Variants in VPS41 observed in about 807,000 individuals in gnomAD.
VPS41 encodes the protein vacuolar protein sorting-associated protein 41 homolog.
Under a neutral mutation model 130.9 loss-of-function variants are expected in VPS41, and 85 were observed. The observed-to-expected ratio is 0.65, with a 90% confidence interval of 0.55 to 0.78. The LOEUF (loss-of-function observed/expected upper bound fraction) is 0.78, where lower values mean the gene tolerates loss of function less well. Among genes scored for constraint, VPS41 ranks in the 30% least tolerant of loss-of-function variants. The pLI, the probability that VPS41 is intolerant of heterozygous loss-of-function variation, is 0.00. For missense variants in VPS41, 874 were observed against 1,018.7 expected, an observed-to-expected ratio of 0.86 and a Z score of 1.93; for synonymous variants, 335 against 332.9, an observed-to-expected ratio of 1.01 and a Z score of -0.07.
At chr7:38,774,041 C>T in intron 12 of VPS41, 74 bp downstream of exon 12, 1 of 1,390,496 alleles carries the variant, frequency 7.2e-7, no homozygotes, top group Non-Finnish European at 9.8e-7. Flanking sequence ...ATTTAAATTC[C>T]ATTTATTGCA....
chr7:38,770,128 G>A (rs1784125822), intron 14 of VPS41, among the ~76,000 whole-genome samples: 1 of 152,114 alleles, frequency 6.6e-6, no homozygotes, highest in Non-Finnish European at 1.5e-5. Flanking sequence ...AATTAGCCAG[G>A]TGTGGTGGCG....
intron 14 of VPS41, among the ~76,000 whole-genome samples, chr7:38,769,417 G>C (rs1285320097): frequency 1.3e-5 from 2 of 152,240 alleles, no homozygotes; most frequent in African/African-American, 4.8e-5. Flanking sequence ...GTTACAGTCA[G>C]TAGTGCTAAT....
intron 4 of VPS41, among the ~76,000 whole-genome samples, chr7:38,848,204 C>T (rs1208606746): frequency 2.0e-5 from 3 of 152,206 alleles, no homozygotes; most frequent in Admixed American, 2.0e-4. Context: ...TTTCTGAAGT[C>T]AACTCACTAG....
intron 11 of VPS41, among the ~76,000 whole-genome samples, 198 bp from the exon 12 acceptor site, chr7:38,774,442 T>G (rs34255211): frequency 6.6e-6 from 1 of 151,678 alleles, no homozygotes; most frequent in African/African-American, 2.4e-5. Flanking sequence ...AAACTTACAA[T>G]CAGAAAACAT....
At chr7:38,771,925 G>A (rs1029721824) in intron 13 of VPS41, among the ~76,000 whole-genome samples, 1 of 151,992 alleles carries the variant, frequency 6.6e-6, no homozygotes, top group African/African-American at 2.4e-5. Context: ...CCTTTCAGAT[G>A]GTGACAAACT....
chr7:38,786,184 C>T (rs1461583343), intron 10 of VPS41, among the ~76,000 whole-genome samples: 3 of 152,166 alleles, frequency 2.0e-5, no homozygotes, highest in East Asian at 1.9e-4. Flanking sequence ...AACAACTTTA[C>T]GGCTAGGCAC....
At chr7:38,836,418 G>A (rs1311488774) in intron 4 of VPS41, among the ~76,000 whole-genome samples, 1 of 152,040 alleles carries the variant, frequency 6.6e-6, no homozygotes, top group Non-Finnish European at 1.5e-5. Context: ...GAATTGGAGA[G>A]AAAAGCTAGT....
At position 38,754,925 on chromosome 7, in the gene VPS41, G is replaced by T. The variant is rs929502987; in HGVS notation, c.1707C>A (p.Asp569Glu). ...LMDFDSEKAV[D>E]MLLDNEDKIS... ...TTTTATCTTCATTGTCCAAAAGCAT[G>T]TCAACAGCTTTCTGAAACATATAAG... Residue 569 changes from aspartate (D) to glutamate (E), a missense_variant, in exon 20 of 29, where the codon GAC becomes GAA. Physicochemically the swap from Asp to Glu is conservative, Grantham distance 45 (BLOSUM62 2). Transcript: ENST00000310301. The T allele has an allele frequency of 6.2e-7, 1 of 1,613,540 alleles. No homozygotes were observed. Among genetic ancestry groups the T allele is most frequent in the Admixed American group, 1.7e-5 (1 of 59,964 alleles).
intron 10 of VPS41, among the ~76,000 whole-genome samples, chr7:38,787,285 T>G (rs1784456613): frequency 6.6e-6 from 1 of 152,078 alleles, no homozygotes; most frequent in Non-Finnish European, 1.5e-5. Context: ...CATCATGATG[T>G]CAGCTCTCCA....
chr7:38,870,739 CAAAAAAAAAAAAA>C (rs70977434), intron 2 of VPS41, among the ~76,000 whole-genome samples: 9 of 29,734 alleles, frequency 3.0e-4, no homozygotes, highest in Non-Finnish European at 4.1e-4. Flanking sequence ...ACTATATGTT[CAAAAAAAAAAAAA>C]AAAAAAAAAA....
intron 13 of VPS41, 32 bp downstream of exon 13, chr7:38,772,490 C>A: frequency 7.2e-7 from 1 of 1,393,778 alleles, no homozygotes; most frequent in Non-Finnish European, 1.0e-6. Flanking sequence ...GTAGATGAGT[C>A]AATACTTTCA....
intron 11 of VPS41, among the ~76,000 whole-genome samples, chr7:38,774,531 C>T (rs1029662925): frequency 6.6e-6 from 1 of 151,168 alleles, no homozygotes; most frequent in Admixed American, 6.6e-5. Flanking sequence ...TTACAAATTG[C>T]TAAACTTTGA....
chr7:38,793,377 GAAGA>G (rs375811992), intron 9 of VPS41, among the ~76,000 whole-genome samples: 7 of 152,278 alleles, frequency 4.6e-5, no homozygotes, highest in African/African-American at 1.7e-4. Context: ...CTGTCCCTCT[GAAGA>G]AAGACCACGT....
intron 13 of VPS41, 88 bp from the exon 14 acceptor site, chr7:38,771,342 T>C: frequency 2.2e-6 from 2 of 927,056 alleles, no homozygotes; most frequent in Non-Finnish European, 1.7e-6. Context: ...GAGAAAGATA[T>C]TGAGGTTATA....
chr7:38,901,033 T>A (rs1392436018), intron 1 of VPS41, among the ~76,000 whole-genome samples: 1 of 151,886 alleles, frequency 6.6e-6, no homozygotes, highest in African/African-American at 2.4e-5. Flanking sequence ...TTTTCAAACT[T>A]TTTTTTTAGC....
At chr7:38,902,764 T>C (rs1164768405) in intron 1 of VPS41, among the ~76,000 whole-genome samples, 1 of 152,222 alleles carries the variant, frequency 6.6e-6, no homozygotes, top group Non-Finnish European at 1.5e-5. Context: ...ACAGGCTCAG[T>C]GGGTCTCTCA....
rs76766425 is a variant in VPS41 at position 38,854,809 on chromosome 7, G to A, written c.246+7736C>T. On this transcript the variant is annotated intron_variant, in intron 4 of 28. Transcript: ENST00000310301. ...ATTCTATGTGGAAAATGACATTGAGGCATATAATTGTGACAAAAGTACCGT... is the reference window on the plus strand; with the variant it reads ...ATTCTATGTGGAAAATGACATTGAGACATATAATTGTGACAAAAGTACCGT... 2.1e-3 allele frequency among the ~76,000 whole-genome samples: 311 copies of A among 150,018 alleles called. 1 individual carries two copies. The highest frequency in any genetic ancestry group is 7.3e-3 in the African/African-American group (298 of 40,560).
chr7:38,837,738 T>G (rs1584420559), intron 4 of VPS41, among the ~76,000 whole-genome samples: 1 of 152,220 alleles, frequency 6.6e-6, no homozygotes, highest in Non-Finnish European at 1.5e-5. Context: ...ATTACTATAC[T>G]TACAGTATTT....
At chr7:38,774,992 C>G (rs767892565) in intron 11 of VPS41, among the ~76,000 whole-genome samples, 19 of 152,118 alleles carry the variant, frequency 1.2e-4, no homozygotes, top group Non-Finnish European at 2.2e-4. Context: ...TGGAATAATG[C>G]CCATGAAAAC....
Sources: gnomAD v4.1 joint callset for allele counts (sites outside exome capture counted in the v4.1 genomes callset) on GRCh38, gnomAD v4.1.1 for gene constraint, MANE v1.5 for transcripts, NCBI Gene and HGNC (gene_info 2026-07-23, HGNC 2026-07-21) for gene names.